MGAT3: variants seen among roughly 807,000 people sequenced by gnomAD.
MGAT3 encodes the protein GlcNAc-T III.
In MGAT3, 9 loss-of-function variants were observed where a neutral mutation model predicts 29.8. The observed-to-expected ratio is 0.30, with a 90% CI of 0.18 to 0.53. MGAT3 has a LOEUF of 0.53. Among genes scored for constraint, MGAT3 ranks in the 20% least tolerant of loss-of-function variants. The pLI, the probability that MGAT3 is intolerant of heterozygous loss-of-function variation, is 0.96. For missense variants in MGAT3, 557 were observed against 769.5 expected, an observed-to-expected ratio of 0.72 and a Z score of 3.27; for synonymous variants, 397 against 348.9, an observed-to-expected ratio of 1.14 and a Z score of -1.54.
intron 1 of MGAT3, among the ~76,000 whole-genome samples, chr22:39,483,494 T>A (rs900667980): frequency 2.4e-5 from 3 of 126,466 alleles, no homozygotes; most frequent in African/African-American, 3.1e-5. Flanking sequence ...TCAAAAAAAT[T>A]AAAAAATTAA....
At position 39,488,342 on chromosome 22, in the gene MGAT3, T is replaced by A; in HGVS notation, c.995T>A (p.Leu332His). 6.2e-7 allele frequency: 1 copy of A among 1,612,496 alleles called. No individual in the cohort carries two copies. The highest frequency in any genetic ancestry group is 8.5e-7 in the Non-Finnish European group (1 of 1,180,000). Reference sequence around the variant, plus strand: ...CGTGACGGCGTCCTTTTCCTCAAGCTCTACGATGGCTGGACCGAGCCCTTC... The same window carrying A: ...CGTGACGGCGTCCTTTTCCTCAAGCACTACGATGGCTGGACCGAGCCCTTC... ...PARDGVLFLK[L>H]YDGWTEPFAF... Residue 332 changes from leucine to histidine, a missense_variant, in exon 2 of 2, where the codon CTC becomes CAC. Leu to His is a moderately conservative substitution (Grantham distance 99). This residue lies in a region of MGAT3 where 243 missense variants were observed against 444.0 expected (regional missense o/e 0.55). Transcript: ENST00000341184.
intron 1 of MGAT3, among the ~76,000 whole-genome samples, chr22:39,482,723 CT>C (rs2145724502): frequency 6.6e-6 from 1 of 152,330 alleles, no homozygotes; most frequent in South Asian, 2.1e-4. Flanking sequence ...CAAGAAAATG[CT>C]GTCTGTGAGG....
intron 1 of MGAT3, among the ~76,000 whole-genome samples, chr22:39,484,162 G>C (rs575283896): frequency 6.6e-6 from 1 of 152,324 alleles, no homozygotes; most frequent in South Asian, 2.1e-4. Flanking sequence ...AGTTGGAGGA[G>C]ATGGTCCTTA....
chr22:39,460,720 C>T (rs112354221), intron 1 of MGAT3, among the ~76,000 whole-genome samples: 38 of 152,254 alleles, frequency 2.5e-4, no homozygotes, highest in African/African-American at 9.2e-4. Context: ...ATCGCTTGAA[C>T]CTGGAGGCAG....
At chr22:39,483,183 G>C (rs1234510968) in intron 1 of MGAT3, among the ~76,000 whole-genome samples, 1 of 152,146 alleles carries the variant, frequency 6.6e-6, no homozygotes, top group Non-Finnish European at 1.5e-5. Flanking sequence ...CTCAGAGGCA[G>C]GTCCCAAGTA....
chr22:39,480,636 C>T (rs1929097291), intron 1 of MGAT3, among the ~76,000 whole-genome samples: 1 of 152,190 alleles, frequency 6.6e-6, no homozygotes, highest in African/African-American at 2.4e-5. Flanking sequence ...TAGCCCAGGA[C>T]CTGCTGCTAG....
At chr22:39,460,395 T>G (rs894695641) in intron 1 of MGAT3, among the ~76,000 whole-genome samples, 2 of 152,106 alleles carry the variant, frequency 1.3e-5, no homozygotes, top group African/African-American at 4.8e-5. Flanking sequence ...TCACTAAAAG[T>G]AGGGATTCCA....
At chr22:39,466,926 G>T (rs1928664169) in intron 1 of MGAT3, among the ~76,000 whole-genome samples, 1 of 152,146 alleles carries the variant, frequency 6.6e-6, no homozygotes, top group African/African-American at 2.4e-5. Context: ...TTTGTGCCCG[G>T]TACAGAGCAC....
intron 1 of MGAT3, among the ~76,000 whole-genome samples, chr22:39,466,218 C>T (rs754732813): frequency 2.6e-5 from 4 of 152,094 alleles, no homozygotes; most frequent in Non-Finnish European, 4.4e-5. Context: ...AAAGGAGCCC[C>T]GGAGACAGCC....
rs1438589653 is a variant in MGAT3, at chr22:39,490,270, C to G, written c.*1321C>G. The G allele has an allele frequency of 6.0e-6, 1 of 167,120 alleles. No homozygotes were observed. The highest frequency in any genetic ancestry group is 1.5e-5 in the Non-Finnish European group (1 of 68,142). The allele number at this position is 167,120 out of a possible 1,614,324, so 10.4% of individuals were successfully genotyped here. ...GCAGAAATAGACAAGAGGGCACACC[C>G]ACTTTTTGCTAAAGGCATGAGCCAG... On this transcript the variant is annotated 3_prime_UTR_variant, in exon 2 of 2. Transcript: ENST00000341184.
At chr22:39,459,858 C>T (rs767614242) in intron 1 of MGAT3, among the ~76,000 whole-genome samples, 1 of 152,210 alleles carries the variant, frequency 6.6e-6, no homozygotes, top group Non-Finnish European at 1.5e-5. Flanking sequence ...TCGCTGGCTG[C>T]GGTATTATTA....
chr22:39,485,196 C>T (rs1929237188), intron 1 of MGAT3, among the ~76,000 whole-genome samples: 1 of 152,182 alleles, frequency 6.6e-6, no homozygotes. Flanking sequence ...CCCCACCCAG[C>T]ATCTTCACTG....
chr22:39,459,127 G>A (rs559043197), intron 1 of MGAT3, among the ~76,000 whole-genome samples: 4 of 151,246 alleles, frequency 2.6e-5, no homozygotes, highest in Non-Finnish European at 4.4e-5. Context: ...AGGCTGGAGT[G>A]CAGTGGTGCC....
chr22:39,462,065 C>A (rs980398978), intron 1 of MGAT3, among the ~76,000 whole-genome samples: 3 of 152,164 alleles, frequency 2.0e-5, no homozygotes, highest in African/African-American at 4.8e-5. Context: ...CCATGCCCAG[C>A]TAATTTTTGT....
At position 39,487,812 on chromosome 22, in the gene MGAT3, C is replaced by T. The variant is rs1163448648; in HGVS notation, c.465C>T (p.Ala155=). 7 of 1,496,748 alleles carry T rather than the reference C, an allele frequency of 4.7e-6. No homozygotes were observed. Among genetic ancestry groups the T allele is most frequent in the African/African-American group, 1.4e-5 (1 of 71,646 alleles). The allele number at this position is 1,496,748 out of a possible 1,614,324, so 92.7% of individuals were successfully genotyped here. Residue 155 remains alanine, a synonymous_variant, in exon 2 of 2, where the codon GCC becomes GCT. Transcript: ENST00000341184. This position sits in a 1 kb window ranked among gnomAD's most constrained non-coding sequence, Gnocchi z 5.7. ...ARRPPRYLLS[A]RERTGGRGAR... ...GGCCACCCCGGTACCTCCTGAGCGC[C>T]CGGGAGCGCACGGGGGGCCGAGGCG...
Position 39,488,447 on chromosome 22 carries a change from T to C in MGAT3, c.1100T>C (p.Val367Ala). Residue 367 changes from valine (V) to alanine (A), a missense_variant, in exon 2 of 2, where the codon GTG becomes GCG. Around this residue, in one of 3 missense-constraint regions of MGAT3, gnomAD observed 243 missense variants for 444.0 expected, o/e 0.55. Coordinates refer to ENST00000341184, the MANE Select transcript of MGAT3 (RefSeq NM_002409.5). Reference sequence around the variant, plus strand: ...CTGGAGGTGGTGTCAGGCTGCACGGTGGACATGCTGCAGGCAGTGTATGGG... The same window carrying C: ...CTGGAGGTGGTGTCAGGCTGCACGGCGGACATGCTGCAGGCAGTGTATGGG... ...GTLEVVSGCT[V>A]DMLQAVYGLD... is the part of the protein sequence containing the mutation. The C allele has an allele frequency of 6.2e-7, 1 of 1,612,916 alleles. No individual in the cohort carries two copies. The highest frequency in any genetic ancestry group is 8.5e-7 in the Non-Finnish European group (1 of 1,180,000).
At chr22:39,465,473 ATG>A (rs1329342051) in intron 1 of MGAT3, among the ~76,000 whole-genome samples, 8 of 152,180 alleles carry the variant, frequency 5.3e-5, no homozygotes, top group Admixed American at 1.3e-4. Context: ...CAGTGAAACC[ATG>A]TGTGTAAGAC....
At chr22:39,484,892 A>G (rs1929227803) in intron 1 of MGAT3, among the ~76,000 whole-genome samples, 1 of 152,066 alleles carries the variant, frequency 6.6e-6, no homozygotes, top group Non-Finnish European at 1.5e-5. Context: ...AATTCCAGCT[A>G]CTTGGGAGGC....
Position 39,489,243 on chromosome 22 carries a change from T to A in MGAT3, c.*294T>A. ...CCACTGGAGTGTGCGTGGTGGTCCCTGGGTAGCGGGGGAGGGTAGGCAGGA... is the reference window on the plus strand; with the variant it reads ...CCACTGGAGTGTGCGTGGTGGTCCCAGGGTAGCGGGGGAGGGTAGGCAGGA... On this transcript the variant is annotated 3_prime_UTR_variant, in exon 2 of 2. Coordinates refer to ENST00000341184, the MANE Select transcript of MGAT3 (RefSeq NM_002409.5). 2.3e-6 allele frequency: 1 copy of A among 443,292 alleles called. No individual in the cohort carries two copies. The highest frequency in any genetic ancestry group is 3.8e-5 in the South Asian group (1 of 26,318). The allele number at this position is 443,292 out of a possible 1,614,324, so 27.5% of individuals were successfully genotyped here.
Sources: allele counts gnomAD v4.1 joint callset (sites outside exome capture counted in the v4.1 genomes callset), GRCh38; gene constraint gnomAD v4.1.1; regional missense constraint gnomAD v4.1.1; non-coding constraint Gnocchi (gnomAD v3.1); transcripts MANE v1.5; gene names NCBI Gene and HGNC (gene_info 2026-07-23, HGNC 2026-07-21).